AEBP2: variants seen among roughly 807,000 people sequenced by gnomAD.
AEBP2 encodes the protein AE binding protein 2.
Under a neutral mutation model 50.8 loss-of-function variants are expected in AEBP2, and 10 were observed. The ratio of observed to expected loss-of-function variants is 0.20; its 90% CI spans 0.12 to 0.33. The LOEUF (loss-of-function observed/expected upper bound fraction) is 0.33. Ranked by LOEUF, AEBP2 falls within the 10% of genes least tolerant of loss-of-function variation. AEBP2 has a pLI of 1.00. For synonymous variants in AEBP2, 296 were observed against 261.3 expected, an observed-to-expected ratio of 1.13 and a Z score of -1.28; for missense variants, 570 against 688.0, an observed-to-expected ratio of 0.83 and a Z score of 1.92.
intron 2 of AEBP2, among the ~76,000 whole-genome samples, chr12:19,463,667 A>ATTTTTTTTTTTT (rs34007914): frequency 1.2e-5 from 1 of 84,672 alleles, no homozygotes; most frequent in African/African-American, 4.9e-5. Context: ...TCATACTTGA[A>ATTTTTTTTTTTT]TTTTTTTTTT....
At chr12:19,432,725 C>T (rs1330649028) in intron 1 of AEBP2, among the ~76,000 whole-genome samples, 1 of 151,968 alleles carries the variant, frequency 6.6e-6, no homozygotes, top group African/African-American at 2.4e-5. Context: ...TAAACACACA[C>T]ACACAAATCC....
At chr12:19,490,411 T>C (rs1948879984) in intron 3 of AEBP2, among the ~76,000 whole-genome samples, 2 of 152,204 alleles carry the variant, frequency 1.3e-5, no homozygotes, top group African/African-American at 4.8e-5. Flanking sequence ...TGACTGAGTG[T>C]CACTCTGTTG....
At chr12:19,480,647 A>T (rs1948713429) in intron 3 of AEBP2, among the ~76,000 whole-genome samples, 1 of 152,214 alleles carries the variant, frequency 6.6e-6, no homozygotes. Flanking sequence ...GTTTCTGCTG[A>T]GAAGTCTGCT....
intron 5 of AEBP2, among the ~76,000 whole-genome samples, chr12:19,502,751 C>T (rs1049179084): frequency 7.3e-5 from 11 of 151,478 alleles, no homozygotes; most frequent in African/African-American, 2.2e-4. Context: ...TGGGTTCAAG[C>T]GATTCTTGTG....
At chr12:19,431,394 A>T (rs1225286106) in intron 1 of AEBP2, among the ~76,000 whole-genome samples, 1 of 152,232 alleles carries the variant, frequency 6.6e-6, no homozygotes, top group Non-Finnish European at 1.5e-5. Flanking sequence ...TTTTTTAATA[A>T]TCGAGAGAGT....
At position 19,439,911 on chromosome 12, in the gene AEBP2, G is replaced by A; in HGVS notation, c.212G>A (p.Gly71Asp). 1 of 1,496,710 alleles carries A rather than the reference G, an allele frequency of 6.7e-7. No homozygotes were observed. Among genetic ancestry groups the A allele is most frequent in the Non-Finnish European group, 8.8e-7 (1 of 1,131,292 alleles). 92.7% of individuals were successfully genotyped at this position (1,496,710 alleles called of 1,614,324 possible). The change falls in exon 1 of 8, where the codon GGC (glycine) becomes GAC (aspartate). Residue 71 changes from glycine (G) to aspartate (D), a missense_variant. Gly to Asp is a moderately conservative substitution (Grantham distance 94). This residue lies in a region of AEBP2 where 386 missense variants were observed against 336.8 expected (regional missense o/e 1.15). Transcript: ENST00000266508. ...GGSGGGGGGG[G>D]GGVGGGEAET... Reference sequence around the variant, plus strand: ...AGCGGTGGGGGCGGCGGAGGCGGCGGCGGAGGAGTGGGGGGCGGCGAGGCA... The same window carrying A: ...AGCGGTGGGGGCGGCGGAGGCGGCGACGGAGGAGTGGGGGGCGGCGAGGCA...
At chr12:19,486,324 A>T (rs1475951771) in intron 3 of AEBP2, among the ~76,000 whole-genome samples, 2 of 152,122 alleles carry the variant, frequency 1.3e-5, no homozygotes, top group African/African-American at 4.8e-5. Context: ...GTAGTATTCC[A>T]CTGTACAGAT....
intron 2 of AEBP2, 129 bp downstream of exon 2, chr12:19,462,846 A>G: frequency 5.1e-6 from 4 of 786,650 alleles, no homozygotes; most frequent in African/African-American, 1.7e-5. Context: ...TTTTCAAGTG[A>G]ATTTTTAATA....
intron 1 of AEBP2, among the ~76,000 whole-genome samples, chr12:19,447,573 C>A (rs576756688): frequency 6.6e-6 from 1 of 152,314 alleles, no homozygotes; most frequent in East Asian, 1.9e-4. Context: ...AGTGAAAGAG[C>A]ATGGACGTAA....
intron 7 of AEBP2, among the ~76,000 whole-genome samples, chr12:19,516,898 A>G (rs1949327636): frequency 6.6e-6 from 1 of 152,108 alleles, no homozygotes; most frequent in Non-Finnish European, 1.5e-5. Flanking sequence ...GTAGTGTTGC[A>G]CGCCTGTAAT....
intron 1 of AEBP2, chr12:19,456,376 G>T (rs949058060): frequency 3.7e-6 from 5 of 1,366,222 alleles, no homozygotes; most frequent in South Asian, 2.3e-5. Context: ...CGACCCAGAG[G>T]TGGGTAGTCT....
chr12:19,481,538 C>G (rs1210923529), intron 3 of AEBP2, among the ~76,000 whole-genome samples: 1 of 150,870 alleles, frequency 6.6e-6, no homozygotes, highest in African/African-American at 2.4e-5. Context: ...GTGGTACAGT[C>G]TTGGTTTATT....
At chr12:19,441,231 G>C (rs1216673911) in intron 1 of AEBP2, among the ~76,000 whole-genome samples, 2 of 152,134 alleles carry the variant, frequency 1.3e-5, no homozygotes, top group Non-Finnish European at 2.9e-5. Context: ...TCTTACTAAA[G>C]CTTGTTAGAA....
intron 1 of AEBP2, among the ~76,000 whole-genome samples, chr12:19,432,245 A>G (rs2095751788): frequency 6.6e-6 from 1 of 152,208 alleles, no homozygotes; most frequent in Admixed American, 6.5e-5. Context: ...GCATGTCTGG[A>G]TCCCTAAGAG....
At chr12:19,504,587 C>T (rs541870859) in intron 5 of AEBP2, among the ~76,000 whole-genome samples, 1 of 152,134 alleles carries the variant, frequency 6.6e-6, no homozygotes, top group South Asian at 2.1e-4. Flanking sequence ...CCTTTACCCA[C>T]ACCCTATTCA....
chr12:19,517,026 A>G (rs889562789), intron 7 of AEBP2, among the ~76,000 whole-genome samples: 1 of 152,166 alleles, frequency 6.6e-6, no homozygotes, highest in African/African-American at 2.4e-5. Flanking sequence ...AGTCTGTCCA[A>G]AAAATAAAAA....
intron 3 of AEBP2, among the ~76,000 whole-genome samples, chr12:19,482,529 G>T (rs12425367): frequency 0.057 from 8,607 of 152,132 alleles, 557 homozygotes; most frequent in East Asian, 0.18. Flanking sequence ...GGCCTGAATT[G>T]GTTGGCCTCC....
chr12:19,462,853 A>G, intron 2 of AEBP2, 136 bp downstream of exon 2: 1 of 791,036 alleles, frequency 1.3e-6, no homozygotes. Context: ...GTGAATTTTT[A>G]ATAATTATTT....
chr12:19,454,822 A>C (rs1007880530), intron 1 of AEBP2, among the ~76,000 whole-genome samples: 11 of 152,168 alleles, frequency 7.2e-5, no homozygotes, highest in Non-Finnish European at 1.0e-4. Context: ...GCTACAACAC[A>C]AATGAATTTG....
Sources: gnomAD v4.1 joint callset for allele counts (sites outside exome capture counted in the v4.1 genomes callset) on GRCh38, gnomAD v4.1.1 for gene constraint, gnomAD v4.1.1 regional missense constraint, MANE v1.5 for transcripts, NCBI Gene and HGNC (gene_info 2026-07-23, HGNC 2026-07-21) for gene names.